Variants in TULP3 observed in about 807,000 individuals in gnomAD.
TULP3 encodes the protein tubby-related protein 3.
Under a neutral mutation model 50.7 loss-of-function variants are expected in TULP3, and 38 were observed. The observed-to-expected ratio is 0.75, with a 90% CI of 0.58 to 0.98. TULP3 has a LOEUF of 0.98. Ranked by LOEUF, TULP3 falls within the 50% of genes least tolerant of loss-of-function variation. The pLI, the probability that TULP3 is intolerant of heterozygous loss-of-function variation, is 0.00. For missense variants in TULP3, 550 were observed against 568.0 expected (o/e 0.97, Z 0.32); for synonymous variants, 183 against 196.6 (o/e 0.93, Z 0.58).
intron 2 of TULP3, among the ~76,000 whole-genome samples, chr12:2,913,632 A>G (rs901038987): frequency 6.6e-6 from 1 of 151,570 alleles, no homozygotes; most frequent in Admixed American, 6.6e-5. Flanking sequence ...TTTTTCTGAG[A>G]TGCAGTATTT....
At chr12:2,913,894 C>T (rs2098187112) in intron 2 of TULP3, among the ~76,000 whole-genome samples, 1 of 152,196 alleles carries the variant, frequency 6.6e-6, no homozygotes, top group African/African-American at 2.4e-5. Flanking sequence ...CAGGCATGAG[C>T]CACTGTGCCC....
intron 8 of TULP3, among the ~76,000 whole-genome samples, chr12:2,936,120 A>AT (rs2098201104): frequency 6.6e-6 from 1 of 151,962 alleles, no homozygotes; most frequent in African/African-American, 2.4e-5. Context: ...TACAAAAAAA[A>AT]TTAGCCAGGC....
intron 8 of TULP3, among the ~76,000 whole-genome samples, chr12:2,935,702 G>A (rs150941286): frequency 1.4e-4 from 21 of 152,150 alleles, no homozygotes; most frequent in African/African-American, 4.8e-4. Context: ...GCTGGGCTTG[G>A]TGGCTCACAC....
At chr12:2,891,806 C>T (rs552714522) in intron 1 of TULP3, among the ~76,000 whole-genome samples, 2 of 152,240 alleles carry the variant, frequency 1.3e-5, no homozygotes, top group African/African-American at 4.8e-5. Flanking sequence ...TTATCCCCAG[C>T]ACTTTGGGAG....
At chr12:2,930,840 T>C in intron 5 of TULP3, 197 bp from the exon 6 acceptor site, 1 of 649,556 alleles carries the variant, frequency 1.5e-6, no homozygotes. Flanking sequence ...ATTGTGAGGC[T>C]TTGTCCCATT....
chr12:2,914,947 A>G lies in TULP3; in HGVS notation c.93+5367A>G, dbSNP rs549515797. ...CATACCTGGCAAGATACTCGTTTTC[A>G]GGGTATGTGGGCACCTTAGCAAGCT... On this transcript the variant is annotated intron_variant, in intron 2 of 10. Transcript: ENST00000448120. Among the ~76,000 whole-genome samples the G allele has an allele frequency of 4.8e-5, 7 of 146,690 alleles. No individual in the cohort carries two copies. In the South Asian group the frequency reaches 1.1e-3, roughly 23 times the overall value.
At position 2,939,103 on chromosome 12, in the gene TULP3, G is replaced by A. The variant is rs188013531; in HGVS notation, c.1196-208G>A. 2.0e-4 allele frequency among the ~76,000 whole-genome samples: 30 copies of A among 152,214 alleles called. No individual in the cohort carries two copies. The highest frequency in any genetic ancestry group is 5.8e-4 in the East Asian group (3 of 5,152). Reference sequence around the variant, plus strand: ...TAGCCAGGCGTGGTGGCGCTTGCCTGTAGTCCCAGCTACTCAGGAGGCTGA... The same window carrying A: ...TAGCCAGGCGTGGTGGCGCTTGCCTATAGTCCCAGCTACTCAGGAGGCTGA... On this transcript the variant is annotated intron_variant, in intron 10 of 10. Transcript: ENST00000448120. The surrounding 1 kb of genome is among the most constrained non-coding windows in gnomAD (Gnocchi z 4.0).
Position 2,940,032 on chromosome 12 carries a change from G to A in TULP3, c.*588G>A, listed in dbSNP as rs751581402. 27 of 1,288,462 alleles carry A rather than the reference G, an allele frequency of 2.1e-5. No individual in the cohort carries two copies. Among genetic ancestry groups the A allele is most frequent in the South Asian group, 1.5e-4 (12 of 81,004 alleles). The allele number at this position is 1,288,462 out of a possible 1,614,324, so 79.8% of individuals were successfully genotyped here. On this transcript the variant is annotated 3_prime_UTR_variant, in exon 11 of 11. Coordinates refer to ENST00000448120, the MANE Select transcript of TULP3 (RefSeq NM_003324.5). ...TTCATTCCCTCACAGCAGATTGGCC[G>A]GCACCAATCTTAGTCAAGAGTGGCT...
Position 2,939,974 on chromosome 12 carries a change from A to C in TULP3, c.*530A>C. On this transcript the variant is annotated 3_prime_UTR_variant, in exon 11 of 11. Coordinates refer to ENST00000448120, the MANE Select transcript of TULP3 (RefSeq NM_003324.5). The surrounding 1 kb of genome is among the most constrained non-coding windows in gnomAD (Gnocchi z 4.0). ...CATGTGCTTGGAAACTTGCAGTAGAATCAGGGACTGACATCGCAGTTCCTC... is the reference window on the plus strand; with the variant it reads ...CATGTGCTTGGAAACTTGCAGTAGACTCAGGGACTGACATCGCAGTTCCTC... The C allele has an allele frequency of 7.8e-7, 1 of 1,278,750 alleles. No homozygotes were observed. Among genetic ancestry groups the C allele is most frequent in the Non-Finnish European group, 1.0e-6 (1 of 979,864 alleles). 79.2% of individuals were successfully genotyped at this position (1,278,750 alleles called of 1,614,324 possible). A position where few individuals can be genotyped will look rare whatever the true frequency, so the allele number is the denominator to read the frequency against.
chr12:2,914,213 C>T (rs1214966596), intron 2 of TULP3, among the ~76,000 whole-genome samples: 3 of 149,766 alleles, frequency 2.0e-5, no homozygotes, highest in Admixed American at 1.4e-4. Context: ...CAACCTCTGC[C>T]TCCCAGGTTC....
intron 1 of TULP3, among the ~76,000 whole-genome samples, chr12:2,895,806 C>T (rs940726580): frequency 6.6e-6 from 1 of 152,182 alleles, no homozygotes; most frequent in African/African-American, 2.4e-5. Context: ...CTACTACCTA[C>T]CTAGGCCCTG....
intron 1 of TULP3, among the ~76,000 whole-genome samples, chr12:2,901,629 C>T (rs888101249): frequency 1.3e-5 from 2 of 151,952 alleles, no homozygotes; most frequent in Non-Finnish European, 2.9e-5. Flanking sequence ...GTCATATGCC[C>T]GTCTCAGCCT....
At chr12:2,927,363 C>A (rs1052895013) in intron 4 of TULP3, among the ~76,000 whole-genome samples, 2 of 76,816 alleles carry the variant, frequency 2.6e-5, no homozygotes, top group African/African-American at 1.2e-4. Context: ...TCAGTTGAGA[C>A]TGATTTTTTT....
At chr12:2,932,126 CA>C (rs2098198424) in intron 6 of TULP3, among the ~76,000 whole-genome samples, 1 of 152,158 alleles carries the variant, frequency 6.6e-6, no homozygotes, top group Non-Finnish European at 1.5e-5. Flanking sequence ...ATTGAGGTCA[CA>C]GTGGTTTAAC....
At chr12:2,921,926 A>G (rs1200703748) in intron 3 of TULP3, among the ~76,000 whole-genome samples, 1 of 152,084 alleles carries the variant, frequency 6.6e-6, no homozygotes, top group Non-Finnish European at 1.5e-5. Flanking sequence ...CTACAAAAAA[A>G]TTAACAATTA....
rs1185410476 is a variant in TULP3, at chr12:2,920,796, C to T, written c.127C>T (p.Arg43Cys). The change falls in exon 3 of 11, where the codon CGC becomes TGC. Residue 43 changes from arginine to cysteine, a missense_variant. Transcript: ENST00000448120. ...LLLEKRQRKKRLEPFMVQPNP... is the reference protein window; with the variant it reads ...LLLEKRQRKKCLEPFMVQPNP... ...ACTTGAGAAGAGGCAAAGGAAAAAGCGCCTTGAGCCATTTATGGTGCAGCC... is the reference window on the plus strand; with the variant it reads ...ACTTGAGAAGAGGCAAAGGAAAAAGTGCCTTGAGCCATTTATGGTGCAGCC... 9 of 1,613,962 alleles carry T rather than the reference C, an allele frequency of 5.6e-6. No homozygotes were observed. The highest frequency in any genetic ancestry group is 1.1e-5 in the South Asian group (1 of 91,082).
At chr12:2,893,327 GTTT>G (rs36190881) in intron 1 of TULP3, among the ~76,000 whole-genome samples, 6 of 128,158 alleles carry the variant, frequency 4.7e-5, no homozygotes, top group African/African-American at 9.2e-5. Context: ...TGTTTAATGT[GTTT>G]TTTTTTTTTT....
intron 1 of TULP3, among the ~76,000 whole-genome samples, chr12:2,892,746 G>A (rs10744577): frequency 0.47 from 71,791 of 151,360 alleles, 17,415 homozygotes; most frequent in African/African-American, 0.59. Flanking sequence ...TCTTGACCTG[G>A]TGATCTGCCC....
At chr12:2,917,853 T>G (rs191456197) in intron 2 of TULP3, among the ~76,000 whole-genome samples, 1,609 of 150,870 alleles carry the variant, frequency 0.011, 26 homozygotes, top group African/African-American at 0.037. Flanking sequence ...CTCCAGCCTG[T>G]GTGACAGTGC....
Sources: gnomAD v4.1 joint callset for allele counts (sites outside exome capture counted in the v4.1 genomes callset) on GRCh38, gnomAD v4.1.1 for gene constraint, Gnocchi (gnomAD v3.1) non-coding constraint, MANE v1.5 for transcripts, NCBI Gene and HGNC (gene_info 2026-07-23, HGNC 2026-07-21) for gene names.